PALM2AKAP2: variants seen among roughly 807,000 people sequenced by gnomAD.
PALM2AKAP2 encodes the protein PALM2-AKAP2 fusion protein.
A neutral mutation model predicts 71.5 loss-of-function variants in PALM2AKAP2; 37 were observed. The ratio of observed to expected loss-of-function variants is 0.52; its 90% confidence interval spans 0.40 to 0.68. The LOEUF (loss-of-function observed/expected upper bound fraction) is 0.68, where lower values mean the gene tolerates loss of function less well. Ranked by LOEUF, PALM2AKAP2 falls within the 30% of genes least tolerant of loss-of-function variation. PALM2AKAP2 has a pLI of 0.00. For missense variants in PALM2AKAP2, 1,224 were observed against 1,191.8 expected (o/e 1.03, Z -0.40); for synonymous variants, 468 against 478.8 (o/e 0.98, Z 0.29).
At chr9:110,046,414 G>A (rs998097354), upstream of PALM2AKAP2, among the ~76,000 whole-genome samples, 19 of 148,986 alleles carry the variant, frequency 1.3e-4, no homozygotes, top group African/African-American at 3.7e-4. Flanking sequence ...AAGCATTGAC[G>A]TTGTTTTAGT....
At chr9:110,100,690 T>C (rs1447245892) in intron 1 of PALM2AKAP2, among the ~76,000 whole-genome samples, 1 of 152,206 alleles carries the variant, frequency 6.6e-6, no homozygotes, top group African/African-American at 2.4e-5. Flanking sequence ...TGGGCTCTTT[T>C]GCATCAGGGG....
intron 1 of PALM2AKAP2, among the ~76,000 whole-genome samples, chr9:109,759,410 G>C (rs764897082): frequency 2.0e-5 from 3 of 152,116 alleles, no homozygotes; most frequent in Non-Finnish European, 4.4e-5. Context: ...CATCAAAACG[G>C]TGATTCTTTA....
intron 1 of PALM2AKAP2, among the ~76,000 whole-genome samples, chr9:109,759,669 A>G (rs1476367331): frequency 2.6e-5 from 4 of 152,116 alleles, no homozygotes; most frequent in Admixed American, 6.6e-5. Context: ...GTCCTCCTCC[A>G]TGAAATATTT....
At chr9:109,696,666 A>C (rs1361238754) in intron 1 of PALM2AKAP2, among the ~76,000 whole-genome samples, 1 of 152,180 alleles carries the variant, frequency 6.6e-6, no homozygotes, top group Non-Finnish European at 1.5e-5. Context: ...AAAATTGGAA[A>C]GGACCTAATA....
At chr9:110,152,204 C>T (rs891048079) in intron 2 of PALM2AKAP2, among the ~76,000 whole-genome samples, 2 of 151,576 alleles carry the variant, frequency 1.3e-5, no homozygotes, top group South Asian at 4.2e-4. Flanking sequence ...TGCACTCCAG[C>T]CTGGGCAACA....
intron 1 of PALM2AKAP2, among the ~76,000 whole-genome samples, chr9:109,836,186 A>G (rs1381624133): frequency 1.3e-5 from 2 of 152,230 alleles, no homozygotes; most frequent in Admixed American, 6.5e-5. Flanking sequence ...TGAAGCTTCC[A>G]GAGGAATGAT....
At chr9:109,989,125 T>C (rs531418850) in intron 6 of PALM2AKAP2, among the ~76,000 whole-genome samples, 1 of 152,270 alleles carries the variant, frequency 6.6e-6, no homozygotes, top group South Asian at 2.1e-4. Context: ...CTAATACAGA[T>C]GTGTTGAGAG....
At chr9:109,704,603 G>T (rs1398896781) in intron 1 of PALM2AKAP2, among the ~76,000 whole-genome samples, 1 of 152,116 alleles carries the variant, frequency 6.6e-6, no homozygotes, top group African/African-American at 2.4e-5. Flanking sequence ...GAGCCAGAGG[G>T]TGGCCCCTGC....
intron 1 of PALM2AKAP2, among the ~76,000 whole-genome samples, chr9:109,753,127 C>T (rs1004005415): frequency 6.6e-6 from 1 of 152,132 alleles, no homozygotes; most frequent in Admixed American, 6.6e-5. Context: ...AGGATTTGTA[C>T]CCATGACTTC....
intron 1 of PALM2AKAP2, among the ~76,000 whole-genome samples, chr9:109,752,245 G>A (rs1434552911): frequency 6.6e-6 from 1 of 152,112 alleles, no homozygotes; most frequent in Non-Finnish European, 1.5e-5. Context: ...AGTGAAGGTA[G>A]AATGCAAGAA....
At chr9:109,858,366 G>T (rs1227855475) in intron 1 of PALM2AKAP2, among the ~76,000 whole-genome samples, 1 of 152,164 alleles carries the variant, frequency 6.6e-6, no homozygotes, top group African/African-American at 2.4e-5. Context: ...CTCAGGAAGG[G>T]CACATGTGAC....
At chr9:109,758,251 A>G (rs1243906111) in intron 1 of PALM2AKAP2, among the ~76,000 whole-genome samples, 9 of 152,158 alleles carry the variant, frequency 5.9e-5, no homozygotes, top group Non-Finnish European at 8.8e-5. Context: ...GATATACAAC[A>G]ACTCTTTTAA....
At chr9:109,847,131 GT>G (rs34859961) in intron 1 of PALM2AKAP2, among the ~76,000 whole-genome samples, 25,376 of 151,278 alleles carry the variant, frequency 0.17, 2,409 homozygotes, top group East Asian at 0.27. Context: ...TGGAAGAGGG[GT>G]TTTTTTTTGC....
chr9:109,934,667 C>A (rs1831181191), intron 6 of PALM2AKAP2, among the ~76,000 whole-genome samples: 1 of 152,192 alleles, frequency 6.6e-6, no homozygotes, highest in Non-Finnish European at 1.5e-5. Context: ...ACATGGCTGA[C>A]TTTGCTGGCA....
intron 1 of PALM2AKAP2, among the ~76,000 whole-genome samples, chr9:109,844,811 G>A (rs76595715): frequency 0.037 from 5,579 of 152,222 alleles, 168 homozygotes; most frequent in South Asian, 0.12. Context: ...CAGCGAGAAG[G>A]AAGCCTACAC....
At chr9:109,965,014 T>A (rs1030815021) in intron 6 of PALM2AKAP2, among the ~76,000 whole-genome samples, 12 of 152,206 alleles carry the variant, frequency 7.9e-5, no homozygotes, top group Admixed American at 6.5e-4. Context: ...AGATAACACA[T>A]AGAACCTTGA....
rs576479550 is a variant in PALM2AKAP2, at chr9:109,885,402, T to C, written c.257+4721T>C. ...TAAAAATAAGAATTACCAGGCCTCA[T>C]TCTAGGAAATTTGGATTTAGTGATC... On this transcript the variant is annotated intron_variant, in intron 3 of 9. Transcript: ENST00000302798. Among the ~76,000 whole-genome samples the C allele has an allele frequency of 2.0e-3, 311 of 152,320 alleles. 2 individuals carry two copies. Among genetic ancestry groups the C allele is most frequent in the Middle Eastern group, 6.8e-3 (2 of 294 alleles).
At chr9:109,675,225 T>C (rs1249421757) in intron 1 of PALM2AKAP2, among the ~76,000 whole-genome samples, 2 of 152,132 alleles carry the variant, frequency 1.3e-5, no homozygotes, top group Admixed American at 6.6e-5. Context: ...CTGACCCAAA[T>C]AGAAAACTTA....
chr9:109,769,611 G>C (rs1020038176), intron 1 of PALM2AKAP2, among the ~76,000 whole-genome samples: 1 of 152,250 alleles, frequency 6.6e-6, no homozygotes, highest in South Asian at 2.1e-4. Flanking sequence ...ACAGTGGTTG[G>C]GGGGAAAAGC....
Sources: allele counts gnomAD v4.1 joint callset (sites outside exome capture counted in the v4.1 genomes callset), GRCh38; gene constraint gnomAD v4.1.1; transcripts MANE v1.5; gene names NCBI Gene and HGNC (gene_info 2026-07-23, HGNC 2026-07-21).